The following POLQ variants were observed in gnomAD, a reference collection of about 807,000 sequenced individuals.
The protein encoded by POLQ is epididymis secretory sperm binding protein.
A neutral mutation model predicts 259.2 loss-of-function variants in POLQ; 233 were observed. The observed-to-expected ratio is 0.90, with a 90% CI of 0.81 to 1.00. POLQ has a LOEUF of 1.00. Ranked by LOEUF, POLQ falls within the 50% of genes least tolerant of loss-of-function variation. The pLI, the probability that POLQ is intolerant of heterozygous loss-of-function variation, is 0.00. For synonymous variants in POLQ, 1,025 were observed against 1,048.8 expected (o/e 0.98, Z 0.44); for missense variants, 2,871 against 3,051.6 (o/e 0.94, Z 1.39).
At chr3:121,467,742 A>G in intron 23 of POLQ, 102 bp from the exon 24 acceptor site, 1 of 1,238,720 alleles carries the variant, frequency 8.1e-7, no homozygotes, top group South Asian at 1.4e-5. Context: ...AAGAAACTTA[A>G]TAAAAACCTT....
chr3:121,528,997 T>C (rs1290183345), intron 7 of POLQ, among the ~76,000 whole-genome samples: 1 of 152,164 alleles, frequency 6.6e-6, no homozygotes, highest in South Asian at 2.1e-4. Context: ...TATTTTAAGG[T>C]AGTATGTGAT....
rs142267010 is a variant in POLQ at position 121,528,287 on chromosome 3, A to G, written c.1108+1358T>C. 7.2e-5 allele frequency among the ~76,000 whole-genome samples: 7 copies of G among 96,892 alleles called. No individual in the cohort carries two copies. The East Asian group carries it at 4.3e-3, about 59-fold the overall frequency. 63.6% of individuals were successfully genotyped at this position (96,892 alleles called of 152,430 possible). A position where few individuals can be genotyped will look rare whatever the true frequency, so the allele number is the denominator to read the frequency against. ...CAGGTACCCGACATCACATCCAGCT[A>G]ATTTTTGTATTTAGGAGAGATGGGG... On this transcript the variant is annotated intron_variant, in intron 7 of 29. Coordinates refer to ENST00000264233, the MANE Select transcript of POLQ (RefSeq NM_199420.4).
Position 121,472,119 on chromosome 3 carries a change from T to C in POLQ, c.6589A>G (p.Ile2197Val), listed in dbSNP as rs1443695689. 1.9e-6 allele frequency: 3 copies of C among 1,567,772 alleles called. No individual in the cohort carries two copies. Among genetic ancestry groups the C allele is most frequent in the Admixed American group, 1.7e-5 (1 of 59,032 alleles). ...LKALHPLPGL[I>V]LEWRRITNAI... ...TTAGTGATTCTTCTCCATTCTAATA[T>C]CAAGCCTGGTAAAGGATGTAATGCC... Residue 2197 changes from isoleucine (I) to valine (V), a missense_variant, in exon 22 of 30, where the codon ATA (isoleucine) becomes GTA (valine). Physicochemically the swap from Ile to Val is conservative, Grantham distance 29 (BLOSUM62 3). Coordinates refer to ENST00000264233, the MANE Select transcript of POLQ (RefSeq NM_199420.4).
intron 20 of POLQ, among the ~76,000 whole-genome samples, chr3:121,474,226 T>G (rs2047907656): frequency 6.6e-6 from 1 of 151,808 alleles, no homozygotes; most frequent in Non-Finnish European, 1.5e-5. Context: ...AACACTAAAG[T>G]AGGAAGGGGT....
At chr3:121,494,309 G>A in intron 14 of POLQ, 1 of 1,597,650 alleles carries the variant, frequency 6.3e-7, no homozygotes, top group East Asian at 2.2e-5. Flanking sequence ...GCGGCAGAGA[G>A]CCATCCTCTA....
At chr3:121,478,276 C>T (rs1047303574) in intron 19 of POLQ, among the ~76,000 whole-genome samples, 1 of 152,032 alleles carries the variant, frequency 6.6e-6, no homozygotes, top group Non-Finnish European at 1.5e-5. Context: ...AGATTTCCCC[C>T]ACGTAAGTCC....
At chr3:121,505,144 C>T (rs1290897785) in intron 12 of POLQ, among the ~76,000 whole-genome samples, 2 of 152,076 alleles carry the variant, frequency 1.3e-5, no homozygotes, top group African/African-American at 2.4e-5. Context: ...AAGTAAGTGG[C>T]ACTTCCCGCC....
chr3:121,516,372 G>A (rs1295195076), intron 9 of POLQ, among the ~76,000 whole-genome samples: 1 of 152,104 alleles, frequency 6.6e-6, no homozygotes, highest in East Asian at 1.9e-4. Context: ...CCTAGAAAAT[G>A]AATCAACTAG....
intron 27 of POLQ, among the ~76,000 whole-genome samples, chr3:121,436,961 A>G (rs963051637): frequency 1.3e-5 from 2 of 152,022 alleles, no homozygotes; most frequent in African/African-American, 4.8e-5. Context: ...TCCAGGTGTA[A>G]TCTATATATG....
At chr3:121,473,273 T>A in intron 21 of POLQ, 77 bp downstream of exon 21, 1 of 1,242,422 alleles carries the variant, frequency 8.0e-7, no homozygotes, top group East Asian at 2.5e-5. Context: ...GTTGATTTCA[T>A]CAGCATTCTT....
intron 22 of POLQ, among the ~76,000 whole-genome samples, chr3:121,470,294 G>A (rs1487918055): frequency 6.6e-6 from 1 of 152,028 alleles, no homozygotes; most frequent in African/African-American, 2.4e-5. Flanking sequence ...GAAAATTCTA[G>A]GTTGATGTTG....
Position 121,481,741 on chromosome 3 carries a change from AG to A in POLQ, c.6041del (p.Pro2014LeufsTer7). On this transcript the variant is annotated frameshift_variant, in exon 19 of 30. Coordinates refer to ENST00000264233, the MANE Select transcript of POLQ (RefSeq NM_199420.4). LOFTEE classifies it high-confidence loss of function. ...TLHSIVTSFL[P>X]HELPLLEGME... ...TCCCTTCTAGGAGTGGAAGCTCATGAGGAAGAAAACTGGTAACTATGCTATG... is the reference window on the plus strand; with the variant it reads ...TCCCTTCTAGGAGTGGAAGCTCATGAGAAGAAAACTGGTAACTATGCTATG... 1 of 1,614,074 alleles carries A rather than the reference AG, an allele frequency of 6.2e-7. No individual in the cohort carries two copies. The highest frequency in any genetic ancestry group is 8.5e-7 in the Non-Finnish European group (1 of 1,179,938).
chr3:121,528,764 C>G (rs2048390076), intron 7 of POLQ, among the ~76,000 whole-genome samples: 1 of 152,052 alleles, frequency 6.6e-6, no homozygotes, highest in South Asian at 2.1e-4. Context: ...ACCATCTTGG[C>G]TAACATGGTG....
chr3:121,483,582 TCTTTA>T lies in POLQ; in HGVS notation c.5774-5_5774-1del, dbSNP rs2047987798. 1 of 1,487,582 alleles carries T rather than the reference TCTTTA, an allele frequency of 6.7e-7. No homozygotes were observed. The highest frequency in any genetic ancestry group is 1.5e-5 in the African/African-American group (1 of 68,134). 92.1% of individuals were successfully genotyped at this position (1,487,582 alleles called of 1,614,324 possible). ...AGGTGGAACCAAACTGGCACTAATTTCTTTAAAAAAAAAAAAAAAAAGGAAAAAAC... is the reference window on the plus strand; with the variant it reads ...AGGTGGAACCAAACTGGCACTAATTTAAAAAAAAAAAAAAAAGGAAAAAAC... On this transcript the variant is annotated splice_acceptor_variant and splice_polypyrimidine_tract_variant and intron_variant, in intron 17 of 29. Coordinates refer to ENST00000264233, the MANE Select transcript of POLQ (RefSeq NM_199420.4). LOFTEE classifies it high-confidence loss of function.
rs1049952518 is a variant in POLQ, at chr3:121,488,394, G to A, written c.4537C>T (p.Leu1513Phe). The A allele has an allele frequency of 6.8e-6, 11 of 1,611,616 alleles. No individual in the cohort carries two copies. Among genetic ancestry groups the A allele is most frequent in the Non-Finnish European group, 9.3e-6 (11 of 1,177,962 alleles). ...QLPDMQMKEP[L>F]PSEVTSNHFS... The stretch of plus-strand genomic sequence containing the variant: ...TGGTTTGATGTTACTTCTGAAGGAA[G>A]GGGTTCTTTCATTTGCATATCAGGT... Residue 1513 changes from leucine to phenylalanine, a missense_variant, in exon 16 of 30, where the codon CTT (leucine) becomes TTT (phenylalanine). Physicochemically the swap from Leu to Phe is conservative, Grantham distance 22. Around this residue, in one of 3 missense-constraint regions of POLQ, gnomAD observed 2,080 missense variants for 2,126.0 expected, o/e 0.98. Transcript: ENST00000264233.
At position 121,488,777 on chromosome 3, in the gene POLQ, G is replaced by A; in HGVS notation, c.4154C>T (p.Thr1385Ile). ...CTTAAGGTCCAAATGATCTATCTTA[G>A]TCGCTCCTAGAGGGTGCTGTTCAGC... is the stretch of plus-strand genomic sequence containing the variant. The part of the protein sequence containing the change: ...FPAEQHPLGA[T>I]KIDHLDLKTV... The change falls in exon 16 of 30, where the codon ACT becomes ATT. Residue 1385 changes from threonine to isoleucine, a missense_variant. This residue lies in a region of POLQ where 2,080 missense variants were observed against 2,126.0 expected (regional missense o/e 0.98). Transcript: ENST00000264233. The A allele has an allele frequency of 6.2e-7, 1 of 1,613,942 alleles. No individual in the cohort carries two copies. The highest frequency in any genetic ancestry group is 8.5e-7 in the Non-Finnish European group (1 of 1,179,932).
intron 26 of POLQ, among the ~76,000 whole-genome samples, chr3:121,448,923 C>T (rs1175242316): frequency 6.6e-5 from 10 of 152,262 alleles, no homozygotes; most frequent in South Asian, 2.1e-4. Flanking sequence ...ACTCAAACTG[C>T]TCTATAACAG....
chr3:121,454,929 A>AT (rs1163491280), intron 25 of POLQ, among the ~76,000 whole-genome samples: 9 of 152,186 alleles, frequency 5.9e-5, no homozygotes, highest in Admixed American at 1.3e-4. Flanking sequence ...TAGAATATAC[A>AT]TTTTTTTCAG....
At chr3:121,438,149 CA>C (rs1304125284) in intron 27 of POLQ, among the ~76,000 whole-genome samples, 1 of 152,024 alleles carries the variant, frequency 6.6e-6, no homozygotes, top group Non-Finnish European at 1.5e-5. Context: ...AAAGTTTGAA[CA>C]AAAGCAAAAA....
Sources: allele counts gnomAD v4.1 joint callset (sites outside exome capture counted in the v4.1 genomes callset), GRCh38; gene constraint gnomAD v4.1.1; regional missense constraint gnomAD v4.1.1; transcripts MANE v1.5; gene names NCBI Gene and HGNC (gene_info 2026-07-23, HGNC 2026-07-21).